IGSF11: variants seen among roughly 807,000 people sequenced by gnomAD.
IGSF11 encodes immunoglobulin superfamily member 11, also known as CXADR like 1.
A neutral mutation model predicts 41.0 loss-of-function variants in IGSF11; 22 were observed. The ratio of observed to expected loss-of-function variants is 0.54; its 90% CI spans 0.38 to 0.77. The LOEUF (loss-of-function observed/expected upper bound fraction) is 0.77. IGSF11 is among the 30% of genes least tolerant of loss of function. The pLI is 0.00. For synonymous variants in IGSF11, 219 were observed against 201.3 expected (o/e 1.09, Z -0.74); for missense variants, 444 against 530.8 (o/e 0.84, Z 1.61).
chr3:118,939,715 A>G (rs537625604), intron 1 of IGSF11, among the ~76,000 whole-genome samples: 145 of 152,338 alleles, frequency 9.5e-4, no homozygotes, highest in African/African-American at 3.1e-3. Context: ...CATTACTTAG[A>G]GAAAAGTAAC....
At chr3:118,935,169 A>G (rs770345614) in intron 1 of IGSF11, among the ~76,000 whole-genome samples, 1 of 150,654 alleles carries the variant, frequency 6.6e-6, no homozygotes, top group Non-Finnish European at 1.5e-5. Context: ...AACTCAATAC[A>G]TACATGTTGC....
At chr3:118,948,971 CAA>C (rs397874586) in intron 1 of IGSF11, among the ~76,000 whole-genome samples, 117 of 87,524 alleles carry the variant, frequency 1.3e-3, no homozygotes, top group African/African-American at 3.2e-3. Context: ...GACTCCGTCT[CAA>C]AAAAAAAAAA....
At chr3:118,920,598 A>G (rs895163875) in intron 4 of IGSF11, among the ~76,000 whole-genome samples, 1 of 150,684 alleles carries the variant, frequency 6.6e-6, no homozygotes, top group African/African-American at 2.5e-5. Context: ...TAATTTTAAT[A>G]ATTAAAAATA....
At chr3:119,076,592 G>T (rs939720666) in intron 1 of IGSF11, among the ~76,000 whole-genome samples, 4 of 152,118 alleles carry the variant, frequency 2.6e-5, no homozygotes, top group Non-Finnish European at 5.9e-5. Flanking sequence ...CCATCAAAAA[G>T]TGGGCAAAGG....
chr3:119,010,152 G>A (rs571278718), intron 1 of IGSF11, among the ~76,000 whole-genome samples: 19 of 152,042 alleles, frequency 1.2e-4, no homozygotes, highest in African/African-American at 2.4e-4. Flanking sequence ...TTTCCTTTCC[G>A]TCAGACTCCT....
intron 1 of IGSF11, among the ~76,000 whole-genome samples, chr3:119,118,180 T>A (rs2077284707): frequency 6.6e-6 from 1 of 152,236 alleles, no homozygotes; most frequent in African/African-American, 2.4e-5. Flanking sequence ...GGACTCTGTG[T>A]GGAGGCTCTG....
upstream of IGSF11, among the ~76,000 whole-genome samples, chr3:119,038,762 T>G (rs1941005356): frequency 6.6e-6 from 1 of 152,322 alleles, no homozygotes; most frequent in East Asian, 1.9e-4. Flanking sequence ...ATGCTTCAGA[T>G]TAATTCACTT....
At chr3:118,921,340 A>T (rs963729048) in intron 4 of IGSF11, among the ~76,000 whole-genome samples, 1 of 152,166 alleles carries the variant, frequency 6.6e-6, no homozygotes, top group Non-Finnish European at 1.5e-5. Flanking sequence ...GGAGGAAGGA[A>T]ATTTATGCAA....
At chr3:119,067,400 G>A (rs1942265730) in intron 1 of IGSF11, among the ~76,000 whole-genome samples, 1 of 152,114 alleles carries the variant, frequency 6.6e-6, no homozygotes, top group Admixed American at 6.5e-5. Flanking sequence ...GCCCTTCCAA[G>A]GTCCTCAGCC....
intron 1 of IGSF11, among the ~76,000 whole-genome samples, chr3:119,079,187 G>C (rs1014139362): frequency 6.6e-6 from 1 of 151,998 alleles, no homozygotes; most frequent in Non-Finnish European, 1.5e-5. Context: ...GTGAAATCCT[G>C]TCTCTACTAA....
chr3:118,936,922 C>T (rs1943326331), intron 1 of IGSF11, among the ~76,000 whole-genome samples: 1 of 152,196 alleles, frequency 6.6e-6, no homozygotes, highest in South Asian at 2.1e-4. Context: ...GATCTGCCTA[C>T]TACTAGAGTC....
At chr3:119,136,617 A>G (rs2077566081) in intron 1 of IGSF11, among the ~76,000 whole-genome samples, 1 of 152,206 alleles carries the variant, frequency 6.6e-6, no homozygotes. Context: ...CAATTCAGCA[A>G]AAGTATATAA....
intron 1 of IGSF11, among the ~76,000 whole-genome samples, chr3:119,044,385 T>C (rs1023220148): frequency 3.3e-5 from 5 of 151,878 alleles, no homozygotes; most frequent in African/African-American, 9.7e-5. Flanking sequence ...TTTTAAAAAA[T>C]AAACAAAGCC....
intron 1 of IGSF11, among the ~76,000 whole-genome samples, chr3:119,044,174 G>T (rs573883265): frequency 3.3e-5 from 5 of 152,190 alleles, no homozygotes; most frequent in South Asian, 4.1e-4. Context: ...ACAGGATATG[G>T]ATGAAAAAGT....
At chr3:118,995,878 G>A (rs892779407) in intron 1 of IGSF11, among the ~76,000 whole-genome samples, 2 of 152,062 alleles carry the variant, frequency 1.3e-5, no homozygotes, top group Admixed American at 6.5e-5. Flanking sequence ...GTCTCGATCT[G>A]ACCTCGTGAT....
intron 1 of IGSF11, among the ~76,000 whole-genome samples, chr3:119,103,250 G>A (rs2076967148): frequency 2.0e-5 from 3 of 152,098 alleles, no homozygotes; most frequent in African/African-American, 7.2e-5. Context: ...GCCCACCTCG[G>A]CCTCCCAAAA....
At chr3:119,071,834 A>G (rs1036804629) in intron 1 of IGSF11, among the ~76,000 whole-genome samples, 1 of 152,200 alleles carries the variant, frequency 6.6e-6, no homozygotes, top group African/African-American at 2.4e-5. Flanking sequence ...ATCCATATGA[A>G]TTTGAGAATC....
chr3:118,904,756 G>A lies in IGSF11; in HGVS notation c.746C>T (p.Thr249Ile). The A allele has an allele frequency of 1.9e-6, 3 of 1,613,420 alleles. No individual in the cohort carries two copies. The highest frequency in any genetic ancestry group is 2.5e-6 in the Non-Finnish European group (3 of 1,179,664). The change falls in exon 6 of 7, where the codon ACT (threonine) becomes ATT (isoleucine). Residue 249 changes from threonine (T) to isoleucine (I), a missense_variant. Thr to Ile is a moderately conservative substitution (Grantham distance 89, BLOSUM62 -1). Coordinates refer to ENST00000393775, the MANE Select transcript of IGSF11 (RefSeq NM_001015887.3). ...NIGLIAGAIG[T>I]GAVIIIFCIA... ...GCAAAAAATGATAATAACTGCACCA[G>A]TGCCAATGGCTCCAGCTATTAGTCC...
intron 1 of IGSF11, among the ~76,000 whole-genome samples, chr3:119,052,341 G>A (rs908470623): frequency 6.6e-6 from 1 of 151,700 alleles, no homozygotes; most frequent in East Asian, 1.9e-4. Context: ...TTATCCAGGT[G>A]TGGTGGTGTG....
Sources: gnomAD v4.1 joint callset for allele counts (sites outside exome capture counted in the v4.1 genomes callset) on GRCh38, gnomAD v4.1.1 for gene constraint, MANE v1.5 for transcripts, NCBI Gene and HGNC (gene_info 2026-07-23, HGNC 2026-07-21) for gene names.